HNRNPR: variants seen among roughly 807,000 people sequenced by gnomAD.
HNRNPR encodes heterogeneous nuclear ribonucleoprotein R.
HNRNPR carries 4 observed loss-of-function variants against 70.3 expected under a neutral mutation model. The observed-to-expected ratio is 0.06, with a 90% CI of 0.03 to 0.13. HNRNPR has a LOEUF of 0.13. Among genes scored for constraint, HNRNPR ranks in the 10% least tolerant of loss-of-function variants. The probability of loss-of-function intolerance (pLI) is 1.00; values close to 1 mark genes in which losing one functional copy is unlikely to be tolerated. For synonymous variants in HNRNPR, 241 were observed against 267.6 expected (o/e 0.90, Z 0.97); for missense variants, 423 against 788.5 (o/e 0.54, Z 5.55).
intron 6 of HNRNPR, among the ~76,000 whole-genome samples, chr1:23,322,124 CTAAA>C (rs1480079569): frequency 6.6e-6 from 1 of 151,940 alleles, no homozygotes; most frequent in Non-Finnish European, 1.5e-5. Context: ...TCACAGAATT[CTAAA>C]TATATAGTTT....
At chr1:23,325,515 C>T (rs1270334460) in intron 5 of HNRNPR, among the ~76,000 whole-genome samples, 1 of 152,170 alleles carries the variant, frequency 6.6e-6, no homozygotes, top group East Asian at 1.9e-4. Context: ...TTAAGGTCCC[C>T]AATCCTCATT....
intron 9 of HNRNPR, 44 bp from the exon 10 acceptor site, chr1:23,311,366 T>C: frequency 2.4e-6 from 3 of 1,267,042 alleles, no homozygotes; most frequent in Non-Finnish European, 3.4e-6. Flanking sequence ...TATAAAACTG[T>C]ATTTTGTTTT....
rs566671104 is a variant in HNRNPR at position 23,316,248 on chromosome 1, TG to T, written c.1017+2234del. Among the ~76,000 whole-genome samples the T allele has an allele frequency of 6.6e-5, 10 of 152,288 alleles. No homozygotes were observed. The South Asian group carries it at 1.4e-3, about 22-fold the overall frequency. ...TAAGCCCAGGAGTTCAAGGCTGCAG[TG>T]TGCTATGACTGCACATGTGGGCAGC... On this transcript the variant is annotated intron_variant, in intron 8 of 10. Transcript: ENST00000302271.
At chr1:23,322,879 G>A (rs1208544171) in intron 6 of HNRNPR, among the ~76,000 whole-genome samples, 3 of 152,262 alleles carry the variant, frequency 2.0e-5, no homozygotes, top group East Asian at 3.9e-4. Flanking sequence ...AAATACAGCA[G>A]GAGTGAAGAT....
intron 5 of HNRNPR, among the ~76,000 whole-genome samples, chr1:23,328,986 T>C (rs1215400702): frequency 6.6e-6 from 1 of 152,104 alleles, no homozygotes; most frequent in Non-Finnish European, 1.5e-5. Context: ...CTCAGTGTGG[T>C]GCCATGTACC....
In HNRNPR at chr1:23,310,737, C is replaced by T; in HGVS notation, c.1619G>A (p.Arg540Lys). The T allele has an allele frequency of 1.2e-6, 2 of 1,613,936 alleles. No individual in the cohort carries two copies. Among genetic ancestry groups the T allele is most frequent in the Non-Finnish European group, 8.5e-7 (1 of 1,179,906 alleles). ...ACCCCCTCTGCCACCCCTAGAGCCT[C>T]TTGGTGGTCCCAAAGGTGCCCCCCT... ...SQRGAPLGPP[R>K]GSRGGRGGPA... Residue 540 changes from arginine (R) to lysine (K), a missense_variant, in exon 11 of 11, where the codon AGA (arginine) becomes AAA (lysine). By Grantham distance (26) the Arg-to-Lys change is conservative. Transcript: ENST00000302271. This position sits in a 1 kb window ranked among gnomAD's most constrained non-coding sequence, Gnocchi z 6.0.
intron 5 of HNRNPR, among the ~76,000 whole-genome samples, chr1:23,327,564 C>A (rs1445693004): frequency 6.6e-6 from 1 of 152,088 alleles, no homozygotes; most frequent in Non-Finnish European, 1.5e-5. Flanking sequence ...GTGGCACAAG[C>A]CTGTAATCCC....
intron 5 of HNRNPR, among the ~76,000 whole-genome samples, chr1:23,324,432 G>A (rs1365728595): frequency 6.6e-6 from 1 of 152,084 alleles, no homozygotes; most frequent in Non-Finnish European, 1.5e-5. Flanking sequence ...TCCGGGCATG[G>A]TGGCAGGCGC....
chr1:23,333,026 T>C (rs1327583909), intron 5 of HNRNPR, among the ~76,000 whole-genome samples: 2 of 151,274 alleles, frequency 1.3e-5, no homozygotes, highest in African/African-American at 2.4e-5. Flanking sequence ...TCCACTAAAA[T>C]ACAAAATTAG....
chr1:23,325,486 T>C (rs535352490), intron 5 of HNRNPR, among the ~76,000 whole-genome samples: 3 of 152,314 alleles, frequency 2.0e-5, no homozygotes, highest in African/African-American at 7.2e-5. Flanking sequence ...ACAATAGTTA[T>C]TGCAATTCTT....
At chr1:23,320,167 T>C (rs1645700832) in intron 7 of HNRNPR, among the ~76,000 whole-genome samples, 1 of 152,172 alleles carries the variant, frequency 6.6e-6, no homozygotes, top group African/African-American at 2.4e-5. Flanking sequence ...ACAGGAACTT[T>C]AATAAACACC....
At chr1:23,339,341 G>T (rs565981419) in intron 2 of HNRNPR, among the ~76,000 whole-genome samples, 2 of 152,206 alleles carry the variant, frequency 1.3e-5, no homozygotes, top group Admixed American at 6.5e-5. Context: ...TGACTGTCAA[G>T]AACGACAATC....
chr1:23,333,718 C>A, intron 4 of HNRNPR, 87 bp from the exon 5 acceptor site: 3 of 710,046 alleles, frequency 4.2e-6, no homozygotes, highest in South Asian at 2.0e-5. Flanking sequence ...AAAAGGACTC[C>A]AACTTCCTAG....
chr1:23,314,034 G>C (rs900303526), intron 8 of HNRNPR, among the ~76,000 whole-genome samples: 6 of 151,970 alleles, frequency 3.9e-5, no homozygotes. Context: ...CTCTAAAACT[G>C]AGTAACTTTC....
At chr1:23,332,884 G>C (rs1646299442) in intron 5 of HNRNPR, among the ~76,000 whole-genome samples, 1 of 131,488 alleles carries the variant, frequency 7.6e-6, no homozygotes, top group African/African-American at 3.6e-5. Context: ...TCCCCAAAAA[G>C]CAAAAACCAA....
intron 5 of HNRNPR, among the ~76,000 whole-genome samples, chr1:23,328,382 G>T (rs1395050008): frequency 1.3e-5 from 2 of 152,206 alleles, no homozygotes; most frequent in East Asian, 3.8e-4. Flanking sequence ...AAAGTGGCTT[G>T]GTATAGTAGG....
intron 6 of HNRNPR, among the ~76,000 whole-genome samples, chr1:23,321,912 C>CT (rs1484062648): frequency 2.0e-5 from 3 of 152,056 alleles, no homozygotes; most frequent in Non-Finnish European, 4.4e-5. Flanking sequence ...TTTAAAATAT[C>CT]TTATTTCATA....
At chr1:23,338,183 G>A (rs1015027223) in intron 3 of HNRNPR, 36 of 312,262 alleles carry the variant, frequency 1.2e-4, no homozygotes, top group African/African-American at 7.3e-4. Context: ...AATAAAACAG[G>A]ATCAAATAAC....
At chr1:23,312,076 CATG>C (rs1429024147) in intron 9 of HNRNPR, among the ~76,000 whole-genome samples, 6 of 152,136 alleles carry the variant, frequency 3.9e-5, no homozygotes, top group African/African-American at 9.7e-5. Context: ...GTCACCTCCT[CATG>C]ATATTTTATT....
Sources: gnomAD v4.1 joint callset for allele counts (sites outside exome capture counted in the v4.1 genomes callset) on GRCh38, gnomAD v4.1.1 for gene constraint, Gnocchi (gnomAD v3.1) non-coding constraint, MANE v1.5 for transcripts, NCBI Gene and HGNC (gene_info 2026-07-23, HGNC 2026-07-21) for gene names.